Variants in B3GALT1 observed in about 807,000 individuals in gnomAD.
The protein encoded by B3GALT1 is beta-1,3-galactosyltransferase 1.
A neutral mutation model predicts 23.2 loss-of-function variants in B3GALT1; 10 were observed. The ratio of observed to expected loss-of-function variants is 0.43; its 90% CI spans 0.27 to 0.73. The LOEUF is 0.73. Among genes scored for constraint, B3GALT1 ranks in the 30% least tolerant of loss-of-function variants. The probability of loss-of-function intolerance (pLI) is 0.21; values close to 1 mark genes in which losing one functional copy is unlikely to be tolerated. For missense variants in B3GALT1, 299 were observed against 405.4 expected, an observed-to-expected ratio of 0.74 and a Z score of 2.25; for synonymous variants, 156 against 141.5, an observed-to-expected ratio of 1.10 and a Z score of -0.73.
chr2:167,406,000 G>A (rs150560363), intron 1 of B3GALT1, among the ~76,000 whole-genome samples: 1 of 152,142 alleles, frequency 6.6e-6, no homozygotes, highest in East Asian at 1.9e-4. Flanking sequence ...AGCAGCTGTT[G>A]TGTAAGGATA....
At chr2:167,842,168 C>A (rs1574296240) in intron 4 of B3GALT1, among the ~76,000 whole-genome samples, 1 of 152,108 alleles carries the variant, frequency 6.6e-6, no homozygotes, top group South Asian at 2.1e-4. Context: ...ATGGTCAAAA[C>A]AAAGCAAAAT....
intron 2 of B3GALT1, among the ~76,000 whole-genome samples, chr2:167,581,826 T>C (rs1047362260): frequency 6.6e-6 from 1 of 152,208 alleles, no homozygotes; most frequent in Admixed American, 6.5e-5. Context: ...TGTTTATTTA[T>C]GTATTTGTCT....
At chr2:167,527,007 TAAAG>T (rs1302104189) in intron 2 of B3GALT1, among the ~76,000 whole-genome samples, 2 of 152,164 alleles carry the variant, frequency 1.3e-5, no homozygotes, top group African/African-American at 4.8e-5. Context: ...TTCATTTAAA[TAAAG>T]AACATTTCAC....
chr2:167,506,888 G>A (rs1699926049), intron 2 of B3GALT1, among the ~76,000 whole-genome samples: 1 of 152,148 alleles, frequency 6.6e-6, no homozygotes, highest in Non-Finnish European at 1.5e-5. Flanking sequence ...TGACTGGAAT[G>A]TAACATGTAT....
At chr2:167,455,073 T>C (rs1383470743) in intron 1 of B3GALT1, among the ~76,000 whole-genome samples, 3 of 152,266 alleles carry the variant, frequency 2.0e-5, no homozygotes, top group Admixed American at 6.5e-5. Flanking sequence ...GAATTCCATG[T>C]ACGTAAGTTC....
Position 167,704,146 on chromosome 2 carries a change from A to AC in B3GALT1, c.-352+57181dup, listed in dbSNP as rs551052597. Among the ~76,000 whole-genome samples the AC allele has an allele frequency of 1.8e-4, 25 of 139,530 alleles. No homozygotes were observed. The East Asian group carries it at 5.3e-3, about 29-fold the overall frequency. 91.5% of individuals were successfully genotyped at this position (139,530 alleles called of 152,430 possible). ...CAATGAGCCGAGATCGCACCACTGC[A>AC]CTCCAGACTGGGCAAAGGAGCGAAA... On this transcript the variant is annotated intron_variant, in intron 3 of 4. Coordinates refer to ENST00000392690, the MANE Select transcript of B3GALT1 (RefSeq NM_020981.4).
chr2:167,867,264 C>A (rs933201970), intron 4 of B3GALT1, among the ~76,000 whole-genome samples: 1 of 152,072 alleles, frequency 6.6e-6, no homozygotes, highest in Non-Finnish European at 1.5e-5. Flanking sequence ...TCTCTCACTT[C>A]CTTTTGCTTA....
chr2:167,835,917 G>A (rs973535787), intron 4 of B3GALT1, among the ~76,000 whole-genome samples: 1 of 152,204 alleles, frequency 6.6e-6, no homozygotes, highest in African/African-American at 2.4e-5. Flanking sequence ...CAGGCAAACA[G>A]GGTCTGGAGT....
intron 2 of B3GALT1, among the ~76,000 whole-genome samples, chr2:167,610,840 A>G (rs991573373): frequency 6.6e-6 from 1 of 150,524 alleles, no homozygotes; most frequent in African/African-American, 2.4e-5. Flanking sequence ...ATTGGGGGTC[A>G]TAGGACCAAC....
intron 2 of B3GALT1, among the ~76,000 whole-genome samples, chr2:167,566,933 C>T (rs1452197675): frequency 6.6e-6 from 1 of 152,044 alleles, no homozygotes; most frequent in African/African-American, 2.4e-5. Context: ...CATCTGAATC[C>T]CCCGGGTATT....
At chr2:167,391,040 C>T (rs1698009189) in intron 1 of B3GALT1, among the ~76,000 whole-genome samples, 1 of 152,138 alleles carries the variant, frequency 6.6e-6, no homozygotes, top group Non-Finnish European at 1.5e-5. Flanking sequence ...AGATTTCTCA[C>T]CTCTGCCACC....
intron 3 of B3GALT1, among the ~76,000 whole-genome samples, chr2:167,729,600 T>G (rs1687374738): frequency 6.6e-6 from 1 of 152,184 alleles, no homozygotes; most frequent in Non-Finnish European, 1.5e-5. Context: ...CTCTCTCTAT[T>G]ATGTAAGATT....
At chr2:167,404,294 A>C (rs1257202007) in intron 1 of B3GALT1, among the ~76,000 whole-genome samples, 3 of 152,116 alleles carry the variant, frequency 2.0e-5, no homozygotes, top group Non-Finnish European at 4.4e-5. Flanking sequence ...TCCATAACCC[A>C]AACACCACCC....
chr2:167,768,497 G>A (rs1272038116), intron 3 of B3GALT1, among the ~76,000 whole-genome samples: 6 of 152,152 alleles, frequency 3.9e-5, no homozygotes, highest in Non-Finnish European at 7.3e-5. Flanking sequence ...CTGTTAACTT[G>A]CATGGCATAT....
intron 1 of B3GALT1, among the ~76,000 whole-genome samples, chr2:167,477,130 C>T (rs1699498860): frequency 6.6e-6 from 1 of 152,202 alleles, no homozygotes; most frequent in African/African-American, 2.4e-5. Context: ...ATTCCTCCCA[C>T]TTATAAGCAT....
At chr2:167,385,822 T>C (rs781409627) in intron 1 of B3GALT1, among the ~76,000 whole-genome samples, 9 of 152,186 alleles carry the variant, frequency 5.9e-5, no homozygotes, top group Non-Finnish European at 1.0e-4. Context: ...AATTCCACTT[T>C]GCAGCTCGGC....
intron 1 of B3GALT1, among the ~76,000 whole-genome samples, chr2:167,353,472 A>G (rs1036456853): frequency 1.3e-5 from 2 of 152,022 alleles, no homozygotes; most frequent in Non-Finnish European, 1.5e-5. Context: ...CAGATGGCCA[A>G]ATGGCTGTTT....
intron 1 of B3GALT1, among the ~76,000 whole-genome samples, chr2:167,467,767 A>C (rs1699369732): frequency 6.6e-6 from 1 of 152,216 alleles, no homozygotes; most frequent in Non-Finnish European, 1.5e-5. Context: ...AGCTTGATAC[A>C]ACCTACAAAC....
rs1227381935 is a variant in B3GALT1 at position 167,870,367 on chromosome 2, T to C, written c.*347T>C. ...TCACAGTAATGTGTCATATCATCCC[T>C]GCAAAAATTAATACACAAATAGAAA... On this transcript the variant is annotated 3_prime_UTR_variant, in exon 5 of 5. Coordinates refer to ENST00000392690, the MANE Select transcript of B3GALT1 (RefSeq NM_020981.4). 5.0e-6 allele frequency: 1 copy of C among 201,210 alleles called. No individual in the cohort carries two copies. Among genetic ancestry groups the C allele is most frequent in the Non-Finnish European group, 1.1e-5 (1 of 90,236 alleles). The allele number at this position is 201,210 out of a possible 1,614,324, so 12.5% of individuals were successfully genotyped here. A position where few individuals can be genotyped will look rare whatever the true frequency, so the allele number is the denominator to read the frequency against.
Sources: gnomAD v4.1 joint callset for allele counts (sites outside exome capture counted in the v4.1 genomes callset) on GRCh38, gnomAD v4.1.1 for gene constraint, MANE v1.5 for transcripts, NCBI Gene and HGNC (gene_info 2026-07-23, HGNC 2026-07-21) for gene names.